Variants in THBS3 observed in about 807,000 individuals in gnomAD.
THBS3 encodes the protein thrombospondin 3, also known as thrombospondin-3.
THBS3 carries 78 observed loss-of-function variants against 118.3 expected under a neutral mutation model. The observed-to-expected ratio is 0.66, with a 90% confidence interval of 0.55 to 0.80. The LOEUF is 0.80. Ranked by LOEUF, THBS3 falls within the 30% of genes least tolerant of loss-of-function variation. The pLI, the probability that THBS3 is intolerant of heterozygous loss-of-function variation, is 0.00. For missense variants in THBS3, 1,057 were observed against 1,247.4 expected, an observed-to-expected ratio of 0.85 and a Z score of 2.30; for synonymous variants, 427 against 475.3, an observed-to-expected ratio of 0.90 and a Z score of 1.32.
chr1:155,201,576 G>A lies in THBS3; in HGVS notation c.1177-7C>T, dbSNP rs781774986. The A allele has an allele frequency of 2.3e-5, 37 of 1,612,898 alleles. No homozygotes were observed. In the South Asian group the frequency reaches 2.7e-4, roughly 12 times the overall value. On this transcript the variant is annotated splice_region_variant and splice_polypyrimidine_tract_variant and intron_variant, in intron 10 of 22. Coordinates refer to ENST00000368378, the MANE Select transcript of THBS3 (RefSeq NM_007112.5). ...GACCACACTTGAAAGAGCCCTAAGA[G>A]TGGAGAGGCAGCATCTTAGGAAGGA...
chr1:155,203,363 A>G (rs1229437043), intron 5 of THBS3, 58 bp from the exon 6 acceptor site: 1 of 1,600,850 alleles, frequency 6.2e-7, no homozygotes, highest in Non-Finnish European at 8.5e-7. Context: ...TGGGCCCTCC[A>G]TGGGCAATAA....
At chr1:155,204,356 G>A (rs574970865) in intron 4 of THBS3, among the ~76,000 whole-genome samples, 7 of 152,016 alleles carry the variant, frequency 4.6e-5, no homozygotes, top group Non-Finnish European at 7.4e-5. Context: ...TTGAGAGGCC[G>A]AGGTGGGTGC....
Position 155,198,476 on chromosome 1 carries a change from TG to T in THBS3, c.2006del (p.Pro669GlnfsTer53). 1 of 1,614,204 alleles carries T rather than the reference TG, an allele frequency of 6.2e-7. No individual in the cohort carries two copies. The highest frequency in any genetic ancestry group is 8.5e-7 in the Non-Finnish European group (1 of 1,180,026). On this transcript the variant is annotated frameshift_variant, in exon 17 of 23. Transcript: ENST00000368378. LOFTEE classifies it high-confidence loss of function. ...TATCGGGACCAGGAGGCACATAATC[TG>T]GGATGCCATCATTGTCATCATCCCC... Reference protein sequence around the residue: ...CDGDDDNDGIPDYVPPGPDNC... With the variant: ...CDGDDDNDGIXDYVPPGPDNC...
intron 21 of THBS3, chr1:155,196,402 G>A (rs74890861): frequency 0.031 from 15,288 of 488,290 alleles, 349 homozygotes; most frequent in Non-Finnish European, 0.042. Context: ...AGCACAATGG[G>A]CTGGGGGGTG....
chr1:155,200,854 G>C, intron 13 of THBS3, 43 bp downstream of exon 13: 1 of 1,614,028 alleles, frequency 6.2e-7, no homozygotes. Context: ...AGGACAGGAG[G>C]AGGGGAGAGG....
At chr1:155,199,279 A>G (rs1669249730) in intron 16 of THBS3, among the ~76,000 whole-genome samples, 1 of 151,702 alleles carries the variant, frequency 6.6e-6, no homozygotes, top group African/African-American at 2.4e-5. Context: ...GCGTGGTGGC[A>G]GGCGCCTGTA....
rs750515739 is a variant in THBS3 at position 155,202,856 on chromosome 1, G to A, written c.913C>T (p.Pro305Ser). The A allele has an allele frequency of 6.8e-6, 11 of 1,613,660 alleles. No homozygotes were observed. The highest frequency in any genetic ancestry group is 1.1e-5 in the South Asian group (1 of 91,088). ...YPGYRCGPCPPGLQGNGTHCS... is the reference protein window; with the variant it reads ...YPGYRCGPCPSGLQGNGTHCS... ...TGGGTGCCGTTGCCCTGCAGGCCAGGGGGGCAGGGCCCACAGCGGTAGCCT... is the reference window on the plus strand; with the variant it reads ...TGGGTGCCGTTGCCCTGCAGGCCAGAGGGGCAGGGCCCACAGCGGTAGCCT... Residue 305 changes from proline to serine, a missense_variant, in exon 8 of 23, where the codon CCT becomes TCT. Pro to Ser is a moderately conservative substitution (Grantham distance 74, BLOSUM62 -1). Around this residue, in one of 3 missense-constraint regions of THBS3, gnomAD observed 544 missense variants for 715.6 expected, o/e 0.76. Transcript: ENST00000368378. This position sits in a 1 kb window ranked among gnomAD's most constrained non-coding sequence, Gnocchi z 5.5.
In THBS3 at chr1:155,195,839, C is replaced by T. The variant is rs1346116904; in HGVS notation, c.*2G>A. On this transcript the variant is annotated 3_prime_UTR_variant, in exon 23 of 23. Transcript: ENST00000368378. The stretch of plus-strand genomic sequence containing the variant: ...TGAATTCTGAATCTGGTGGCCTCCT[C>T]CTCACACCCTTCCCTGGAGCAGCTG... 6.2e-7 allele frequency: 1 copy of T among 1,613,900 alleles called. No homozygotes were observed. Among genetic ancestry groups the T allele is most frequent in the Admixed American group, 1.7e-5 (1 of 60,018 alleles).
chr1:155,200,411 C>T, intron 14 of THBS3, 40 bp downstream of exon 14: 1 of 1,601,088 alleles, frequency 6.2e-7, no homozygotes, highest in Non-Finnish European at 8.5e-7. Flanking sequence ...TCCAAATTCT[C>T]ACAGGTCCCC....
rs1480476345 is a variant in THBS3, at chr1:155,201,087, C to T, written c.1440+7G>A. On this transcript the variant is annotated splice_region_variant and intron_variant, in intron 12 of 22. Transcript: ENST00000368378. The stretch of plus-strand genomic sequence containing the variant: ...ACTACGCCCCCTTGCCCGCCTGCTC[C>T]CTGCACCTGTTTGCAGTGTTTGTTG... 6.2e-7 allele frequency: 1 copy of T among 1,614,198 alleles called. No individual in the cohort carries two copies. Among genetic ancestry groups the T allele is most frequent in the Admixed American group, 1.7e-5 (1 of 60,024 alleles).
chr1:155,202,092 A>G lies in THBS3; in HGVS notation c.1099-58T>C. ...TATGGTGGGTCTCCTCAGATACAGC[A>G]GAGGACACTGGTATGGCCTTATCTG... On this transcript the variant is annotated intron_variant, in intron 9 of 22. Transcript: ENST00000368378. This position sits in a 1 kb window ranked among gnomAD's most constrained non-coding sequence, Gnocchi z 5.5. 6.2e-7 allele frequency: 1 copy of G among 1,613,828 alleles called. No homozygotes were observed. Among genetic ancestry groups the G allele is most frequent in the Non-Finnish European group, 8.5e-7 (1 of 1,179,916 alleles).
rs1571910655 is a variant in THBS3, at chr1:155,203,296, G to T, written c.683C>A (p.Thr228Asn). The change falls in exon 6 of 23, where the codon ACC becomes AAC. Residue 228 changes from threonine (T) to asparagine (N), a missense_variant. Thr to Asn is a moderately conservative substitution (Grantham distance 65). Around this residue, in one of 3 missense-constraint regions of THBS3, gnomAD observed 544 missense variants for 715.6 expected, o/e 0.76. Transcript: ENST00000368378. ...NALHSILGEQ[T>N]KALVTQLTLF... ...GGTGAGTTGGGTGACCAGCGCCTTG[G>T]TCTGCTCCCCTGTCGGGACCCAGGG... 4.3e-6 allele frequency: 7 copies of T among 1,614,064 alleles called. No homozygotes were observed. The highest frequency in any genetic ancestry group is 1.6e-4 in the Middle Eastern group (1 of 6,062).
At chr1:155,198,840 C>G (rs1006894197) in intron 16 of THBS3, 6 of 494,364 alleles carry the variant, frequency 1.2e-5, no homozygotes, top group African/African-American at 1.2e-4. Context: ...ATACTATGGC[C>G]TGGGCACAGT....
At chr1:155,196,208 T>C in intron 21 of THBS3, 82 bp from the exon 22 acceptor site, 2 of 1,522,992 alleles carry the variant, frequency 1.3e-6, no homozygotes, top group South Asian at 2.4e-5. Context: ...GGGCCTTGCT[T>C]TTCCCCAGCC....
chr1:155,200,010 C>A lies in THBS3; in HGVS notation c.1812G>T (p.Met604Ile). 6.3e-7 allele frequency: 1 copy of A among 1,599,446 alleles called. No individual in the cohort carries two copies. The highest frequency in any genetic ancestry group is 8.5e-7 in the Non-Finnish European group (1 of 1,171,822). Reference sequence around the variant, plus strand: ...CTCCCTGTACCTGGGTAGGATTGCTCATTTCAGGGCAGCTGTCGCAAGCAT... The same window carrying A: ...CTCCCTGTACCTGGGTAGGATTGCTAATTTCAGGGCAGCTGTCGCAAGCAT... ...VGDACDSCPEMSNPTQTDADS... is the reference protein window; with the variant it reads ...VGDACDSCPEISNPTQTDADS... The change falls in exon 15 of 23, where the codon ATG becomes ATT. Residue 604 changes from methionine to isoleucine, a missense_variant. Met to Ile is a conservative substitution (Grantham distance 10, BLOSUM62 1). Coordinates refer to ENST00000368378, the MANE Select transcript of THBS3 (RefSeq NM_007112.5).
upstream of THBS3, chr1:155,208,662 G>A (rs1670881961): frequency 2.0e-5 from 18 of 916,058 alleles, no homozygotes; most frequent in Non-Finnish European, 2.5e-5. Flanking sequence ...CGTCACCTAA[G>A]CGACAGCCTG....
chr1:155,199,132 C>T (rs1348821515), intron 16 of THBS3, among the ~76,000 whole-genome samples: 8 of 144,864 alleles, frequency 5.5e-5, no homozygotes, highest in Admixed American at 1.4e-4. Context: ...AAAAGGAGGC[C>T]GGGCACGGTG....
intron 16 of THBS3, 60 bp from the exon 17 acceptor site, chr1:155,198,662 G>C: frequency 6.5e-7 from 1 of 1,535,620 alleles, no homozygotes; most frequent in Middle Eastern, 2.1e-4. Context: ...CCTTCCCTTC[G>C]CTTCTGCCTG....
upstream of THBS3, chr1:155,209,159 G>A (rs772881234): frequency 3.3e-5 from 50 of 1,503,288 alleles, no homozygotes; most frequent in African/African-American, 6.1e-4. Context: ...CCCCCTGACC[G>A]CAACGATCGG....
Sources: gnomAD v4.1 joint callset for allele counts (sites outside exome capture counted in the v4.1 genomes callset) on GRCh38, gnomAD v4.1.1 for gene constraint, gnomAD v4.1.1 regional missense constraint, Gnocchi (gnomAD v3.1) non-coding constraint, MANE v1.5 for transcripts, NCBI Gene and HGNC (gene_info 2026-07-23, HGNC 2026-07-21) for gene names.